SLC22A11: variants seen among roughly 807,000 people sequenced by gnomAD.
SLC22A11 encodes the protein organic anion transporter 4.
Under a neutral mutation model 49.4 loss-of-function variants are expected in SLC22A11, and 42 were observed. The ratio of observed to expected loss-of-function variants is 0.85; its 90% CI spans 0.66 to 1.10. The LOEUF is 1.10. Ranked by LOEUF, SLC22A11 falls within the 50% of genes least tolerant of loss-of-function variation. SLC22A11 has a pLI of 0.00. For synonymous variants in SLC22A11, 304 were observed against 315.8 expected, an observed-to-expected ratio of 0.96 and a Z score of 0.40; for missense variants, 685 against 731.6, an observed-to-expected ratio of 0.94 and a Z score of 0.74.
chr11:64,561,588 G>A (rs1195845928), intron 2 of SLC22A11, among the ~76,000 whole-genome samples: 12 of 151,750 alleles, frequency 7.9e-5, no homozygotes, highest in Admixed American at 4.6e-4. Context: ...AGCTGGGACC[G>A]CAGACACCTG....
rs772434413 is a variant in SLC22A11, at chr11:64,556,386, G to A, written c.387G>A (p.Val129=). The change falls in exon 1 of 10, where the codon GTG becomes GTA. Residue 129 remains valine (V), a synonymous_variant. Transcript: ENST00000301891. ...YDRSVFTSTI[V]AKWDLVCSSQ... The stretch of plus-strand genomic sequence containing the variant: ...GCAGCGTCTTCACCTCCACCATCGT[G>A]GCCAAGGTAGGGCCTCCCCCAGAGC... 2 of 1,610,346 alleles carry A rather than the reference G, an allele frequency of 1.2e-6. No homozygotes were observed. The highest frequency in any genetic ancestry group is 1.7e-6 in the Non-Finnish European group (2 of 1,179,978).
intron 7 of SLC22A11, 41 bp downstream of exon 7, chr11:64,567,854 C>T (rs1219444040): frequency 6.5e-6 from 10 of 1,532,840 alleles, no homozygotes; most frequent in South Asian, 1.2e-5. Context: ...GGCCCTGCTT[C>T]CCCGCCCACC....
intron 1 of SLC22A11, among the ~76,000 whole-genome samples, chr11:64,557,437 C>A (rs2038477838): frequency 6.6e-6 from 1 of 152,192 alleles, no homozygotes; most frequent in Non-Finnish European, 1.5e-5. Flanking sequence ...AAAGAGGATA[C>A]ATTGACATCG....
At chr11:64,561,810 C>T (rs1240166083) in intron 2 of SLC22A11, among the ~76,000 whole-genome samples, 194 bp from the exon 3 acceptor site, 1 of 151,984 alleles carries the variant, frequency 6.6e-6, no homozygotes, top group East Asian at 1.9e-4. Flanking sequence ...CTGAACTGCA[C>T]CCTCCCATGG....
chr11:64,562,726 A>C lies in SLC22A11; in HGVS notation c.821+291A>C, dbSNP rs985404910. On this transcript the variant is annotated intron_variant, in intron 4 of 9. Coordinates refer to ENST00000301891, the MANE Select transcript of SLC22A11 (RefSeq NM_018484.4). This position sits in a 1 kb window ranked among gnomAD's most constrained non-coding sequence, Gnocchi z 4.4. ...CATTTGTAACTAGTTGCTAACATTT[A>C]AAAATCAGAAGATTTTCAAAAACAA... Among the ~76,000 whole-genome samples the C allele has an allele frequency of 6.6e-6, 1 of 152,230 alleles. No homozygotes were observed. The highest frequency in any genetic ancestry group is 1.5e-5 in the Non-Finnish European group (1 of 68,046).
chr11:64,561,555 C>T (rs927837212), intron 2 of SLC22A11, among the ~76,000 whole-genome samples: 2 of 152,164 alleles, frequency 1.3e-5, no homozygotes, highest in South Asian at 4.1e-4. Flanking sequence ...CTCAAGCCAT[C>T]CTCCCACCTC....
rs2038717610 is a variant in SLC22A11 at position 64,572,532 on chromosome 11, G to A, written c.*1490G>A. 1 of 152,226 alleles carries A rather than the reference G, an allele frequency of 6.6e-6. No individual in the cohort carries two copies. The highest frequency in any genetic ancestry group is 6.5e-5 in the Admixed American group (1 of 15,278). 9.4% of individuals were successfully genotyped at this position (152,226 alleles called of 1,614,324 possible). A position where few individuals can be genotyped will look rare whatever the true frequency, so the allele number is the denominator to read the frequency against. ...CACCTCTTTCACCCTGTGTACACTG[G>A]GTCAATCACTCCTGCCTCCTCACAG... On this transcript the variant is annotated 3_prime_UTR_variant, in exon 10 of 10. Coordinates refer to ENST00000301891, the MANE Select transcript of SLC22A11 (RefSeq NM_018484.4).
chr11:64,556,229 G>A lies in SLC22A11; in HGVS notation c.230G>A (p.Gly77Asp). The A allele has an allele frequency of 6.2e-7, 1 of 1,613,954 alleles. No individual in the cohort carries two copies. ...CTTCTGACCATCTCCATCCCGCCAG[G>A]CCCCAACCAGGGGCCCCACCAGTGC... ...KALLTISIPP[G>D]PNQGPHQCRR... Residue 77 changes from glycine (G) to aspartate (D), a missense_variant, in exon 1 of 10, where the codon GGC becomes GAC. Gly to Asp is a moderately conservative substitution (Grantham distance 94, BLOSUM62 -1). Transcript: ENST00000301891.
chr11:64,563,165 A>G (rs2038573816), intron 4 of SLC22A11, among the ~76,000 whole-genome samples: 1 of 152,146 alleles, frequency 6.6e-6, no homozygotes, highest in Non-Finnish European at 1.5e-5. Flanking sequence ...ACACAGATCA[A>G]TAAGTGAAGA....
intron 2 of SLC22A11, among the ~76,000 whole-genome samples, chr11:64,560,059 C>T (rs1813701183): frequency 6.6e-6 from 1 of 150,608 alleles, no homozygotes; most frequent in Admixed American, 6.6e-5. Flanking sequence ...CTGCTGATTC[C>T]TTGCCACGCC....
intron 1 of SLC22A11, among the ~76,000 whole-genome samples, chr11:64,557,713 C>A (rs1228163777): frequency 6.7e-6 from 1 of 149,740 alleles, no homozygotes; most frequent in Non-Finnish European, 1.5e-5. Context: ...CTGCCTGCAG[C>A]CTCTAACTCC....
intron 4 of SLC22A11, among the ~76,000 whole-genome samples, chr11:64,563,067 A>G (rs1403255635): frequency 2.0e-5 from 3 of 152,224 alleles, no homozygotes; most frequent in Non-Finnish European, 4.4e-5. Context: ...AAGGAGACAC[A>G]GACAGGTGCA....
At position 64,556,219 on chromosome 11, in the gene SLC22A11, A is replaced by G; in HGVS notation, c.220A>G (p.Ile74Val). Residue 74 changes from isoleucine to valine, a missense_variant, in exon 1 of 10, where the codon ATC (isoleucine) becomes GTC (valine). Ile to Val is a conservative substitution (Grantham distance 29, BLOSUM62 3). Coordinates refer to ENST00000301891, the MANE Select transcript of SLC22A11 (RefSeq NM_018484.4). Reference protein sequence around the residue: ...MTPKALLTISIPPGPNQGPHQ... With the variant: ...MTPKALLTISVPPGPNQGPHQ... ...CCCCAAGGCCCTTCTGACCATCTCC[A>G]TCCCGCCAGGCCCCAACCAGGGGCC... The G allele has an allele frequency of 6.2e-7, 1 of 1,613,854 alleles. No homozygotes were observed. The highest frequency in any genetic ancestry group is 8.5e-7 in the Non-Finnish European group (1 of 1,179,966).
intron 1 of SLC22A11, 57 bp from the exon 2 acceptor site, chr11:64,559,078 G>C: frequency 6.7e-7 from 1 of 1,489,618 alleles, no homozygotes; most frequent in Non-Finnish European, 9.3e-7. Context: ...CCTCGGCCGT[G>C]CCCAGCCCTG....
intron 2 of SLC22A11, 43 bp downstream of exon 2, chr11:64,559,281 A>G (rs374964519): frequency 1.4e-6 from 2 of 1,409,734 alleles, no homozygotes; most frequent in Non-Finnish European, 1.9e-6. Flanking sequence ...CCCTCAAAAC[A>G]TTGTTGAAGA....
Position 64,562,195 on chromosome 11 carries a change from C to CG in SLC22A11, c.652+42dup, listed in dbSNP as rs2038557653. The CG allele has an allele frequency of 2.5e-6, 4 of 1,606,014 alleles. No individual in the cohort carries two copies. Among genetic ancestry groups the CG allele is most frequent in the Admixed American group, 1.7e-5 (1 of 59,666 alleles). On this transcript the variant is annotated intron_variant, in intron 3 of 9. Coordinates refer to ENST00000301891, the MANE Select transcript of SLC22A11 (RefSeq NM_018484.4). This position sits in a 1 kb window ranked among gnomAD's most constrained non-coding sequence, Gnocchi z 4.4. ...GCTCAGCGCGCTCCTGCCATGGGGGCGGGGGTGGCAGGAGAGAATGGGGCT... is the reference window on the plus strand; with the variant it reads ...GCTCAGCGCGCTCCTGCCATGGGGGCGGGGGGTGGCAGGAGAGAATGGGGCT...
Position 64,569,759 on chromosome 11 carries a change from A to G in SLC22A11, c.1490A>G (p.Tyr497Cys), listed in dbSNP as rs758893690. 9 of 1,614,016 alleles carry G rather than the reference A, an allele frequency of 5.6e-6. No homozygotes were observed. The highest frequency in any genetic ancestry group is 5.5e-5 in the South Asian group (5 of 91,058). ...CTGCCCCTGCTGCCTCCTCTCCTCT[A>G]TGGCGTTATCTCCATTGCTTCCAGC... ...QALPLLPPLL[Y>C]GVISIASSLV... Residue 497 changes from tyrosine to cysteine, a missense_variant, in exon 9 of 10, where the codon TAT becomes TGT. Coordinates refer to ENST00000301891, the MANE Select transcript of SLC22A11 (RefSeq NM_018484.4).
At chr11:64,559,268 G>T in intron 2 of SLC22A11, 30 bp downstream of exon 2, 2 of 1,478,404 alleles carry the variant, frequency 1.4e-6, no homozygotes, top group South Asian at 1.3e-5. Flanking sequence ...CCAGCCCCCA[G>T]CTCCCTCAAA....
chr11:64,561,594 A>C (rs1264829337), intron 2 of SLC22A11, among the ~76,000 whole-genome samples: 4 of 151,444 alleles, frequency 2.6e-5, no homozygotes, highest in African/African-American at 7.3e-5. Flanking sequence ...GACCGCAGAC[A>C]CCTGGCTAAT....
Sources: gnomAD v4.1 joint callset for allele counts (sites outside exome capture counted in the v4.1 genomes callset) on GRCh38, gnomAD v4.1.1 for gene constraint, Gnocchi (gnomAD v3.1) non-coding constraint, MANE v1.5 for transcripts, NCBI Gene and HGNC (gene_info 2026-07-23, HGNC 2026-07-21) for gene names.